The following HMCN2 variants were observed in gnomAD, a reference collection of about 807,000 sequenced individuals.
HMCN2 encodes the protein hemicentin-2.
HMCN2 carries 325 observed loss-of-function variants against 377.5 expected under a neutral mutation model. That is an observed-to-expected ratio of 0.86 (90% CI 0.79 to 0.94). The LOEUF is 0.94. Among genes scored for constraint, HMCN2 ranks in the 40% least tolerant of loss-of-function variants. The probability of loss-of-function intolerance (pLI) is 0.00; values close to 1 mark genes in which losing one functional copy is unlikely to be tolerated. For missense variants in HMCN2, 4,543 were observed against 4,725.3 expected (o/e 0.96, Z 1.13); for synonymous variants, 2,007 against 2,046.8 (o/e 0.98, Z 0.53).
At chr9:130,382,921 A>C (rs143438899) in intron 56 of HMCN2, 55 bp downstream of exon 56, 15,332 of 942,640 alleles carry the variant, frequency 0.016, 135 homozygotes, top group Middle Eastern at 0.023. Context: ...GCCCAGCACC[A>C]CTTGTCTGGG....
intron 1 of HMCN2, among the ~76,000 whole-genome samples, chr9:130,276,730 G>A (rs552486762): frequency 2.0e-5 from 3 of 152,308 alleles, no homozygotes; most frequent in East Asian, 1.9e-4. Flanking sequence ...AGGGAATCAC[G>A]TTTGCCCAGA....
chr9:130,396,383 A>T, intron 73 of HMCN2, 70 bp downstream of exon 73: 1 of 1,194,352 alleles, frequency 8.4e-7, no homozygotes, highest in Non-Finnish European at 1.1e-6. Flanking sequence ...AATCAAACTC[A>T]CTTGGGCAAT....
In HMCN2 at chr9:130,428,799, A is replaced by G. The variant is rs1331676347; in HGVS notation, c.14197+310A>G. 6.6e-6 allele frequency among the ~76,000 whole-genome samples: 1 copy of G among 152,154 alleles called. No homozygotes were observed. The highest frequency in any genetic ancestry group is 2.4e-5 in the African/African-American group (1 of 41,440). On this transcript the variant is annotated intron_variant, in intron 93 of 97. Transcript: ENST00000683500. This position sits in a 1 kb window ranked among gnomAD's most constrained non-coding sequence, Gnocchi z 5.0. ...GCAAACACATGCTCCCTCTGCTGCC[A>G]TCCGTTCTGTTCCCCCATATGAATC...
chr9:130,279,752 A>G (rs1554924993), intron 1 of HMCN2, among the ~76,000 whole-genome samples: 1 of 152,220 alleles, frequency 6.6e-6, no homozygotes, highest in Non-Finnish European at 1.5e-5. Context: ...GGTAGGGTAG[A>G]ATGATATCTT....
At chr9:130,317,902 A>G (rs1433913783) in intron 15 of HMCN2, among the ~76,000 whole-genome samples, 1 of 152,062 alleles carries the variant, frequency 6.6e-6, no homozygotes, top group African/African-American at 2.4e-5. Context: ...AATCAGAGGC[A>G]TTCTTGGAGT....
At chr9:130,352,456 A>T (rs1370612981) in intron 30 of HMCN2, among the ~76,000 whole-genome samples, 3 of 152,220 alleles carry the variant, frequency 2.0e-5, no homozygotes, top group African/African-American at 7.2e-5. Flanking sequence ...TGTAACCCGG[A>T]TAGAAGGAGA....
At chr9:130,425,239 C>T (rs1844261036) in intron 89 of HMCN2, 109 bp downstream of exon 89, 2 of 1,265,612 alleles carry the variant, frequency 1.6e-6, no homozygotes, top group African/African-American at 1.5e-5. Flanking sequence ...TCTGACAGCG[C>T]TGCAGGGCTG....
chr9:130,429,635 G>A lies in HMCN2; in HGVS notation c.14276G>A (p.Cys4759Tyr). Residue 4759 changes from cysteine (C) to tyrosine (Y), a missense_variant, in exon 94 of 98, where the codon TGC (cysteine) becomes TAC (tyrosine). Physicochemically the swap from Cys to Tyr is radical, Grantham distance 194. Around this residue, in one of 5 missense-constraint regions of HMCN2, gnomAD observed 1,155 missense variants for 1,157.7 expected, o/e 1.00. Coordinates refer to ENST00000683500, the MANE Select transcript of HMCN2 (RefSeq NM_001291815.2). ...LCENTPGGHR[C>Y]SCPRGYRMQG... The stretch of plus-strand genomic sequence containing the variant: ...GAGAACACCCCAGGCGGTCACCGCT[G>A]CAGCTGCCCCAGGGGTTACCGGATG... 1.9e-6 allele frequency: 3 copies of A among 1,549,068 alleles called. No homozygotes were observed. The highest frequency in any genetic ancestry group is 2.6e-6 in the Non-Finnish European group (3 of 1,146,304).
At chr9:130,384,035 G>A (rs985298729) in intron 57 of HMCN2, among the ~76,000 whole-genome samples, 1 of 152,164 alleles carries the variant, frequency 6.6e-6, no homozygotes, top group Non-Finnish European at 1.5e-5. Context: ...GACGTACACC[G>A]CACTGCAGTG....
intron 22 of HMCN2, among the ~76,000 whole-genome samples, chr9:130,331,112 C>A (rs1270916326): frequency 3.3e-5 from 5 of 150,692 alleles, no homozygotes; most frequent in African/African-American, 1.2e-4. Context: ...GAGCCAAGAT[C>A]GTGCCATCGC....
At chr9:130,388,137 A>G (rs568562057) in intron 61 of HMCN2, among the ~76,000 whole-genome samples, 1 of 152,044 alleles carries the variant, frequency 6.6e-6, no homozygotes, top group African/African-American at 2.4e-5. Context: ...GAGTGTTGGG[A>G]TCGATTAGTG....
rs966703681 is a variant in HMCN2 at position 130,368,393 on chromosome 9, A to G, written c.6743A>G (p.Asn2248Ser). Residue 2248 changes from asparagine to serine, a missense_variant, in exon 44 of 98, where the codon AAC becomes AGC. By Grantham distance (46) the Asn-to-Ser change is conservative (BLOSUM62 1). Coordinates refer to ENST00000683500, the MANE Select transcript of HMCN2 (RefSeq NM_001291815.2). The stretch of plus-strand genomic sequence containing the variant: ...GGAACATACACCTGTGAATGCAGCA[A>G]CGTGGTGGGGAACAGCAGCCAGGAC... ...QEGTYTCECS[N>S]VVGNSSQDLQ... 5.8e-5 allele frequency: 57 copies of G among 985,978 alleles called. No individual in the cohort carries two copies. The highest frequency in any genetic ancestry group is 4.9e-4 in the African/African-American group (28 of 57,212). 61.1% of individuals were successfully genotyped at this position (985,978 alleles called of 1,614,324 possible). A position where few individuals can be genotyped will look rare whatever the true frequency, so the allele number is the denominator to read the frequency against.
In HMCN2 at chr9:130,398,497, C is replaced by G. The variant is rs571498637; in HGVS notation, c.11327-54C>G. 137 of 1,015,560 alleles carry G rather than the reference C, an allele frequency of 1.3e-4. No individual in the cohort carries two copies. In the African/African-American group the frequency reaches 2.0e-3, roughly 14 times the overall value. The allele number at this position is 1,015,560 out of a possible 1,614,324, so 62.9% of individuals were successfully genotyped here. A position where few individuals can be genotyped will look rare whatever the true frequency, so the allele number is the denominator to read the frequency against. ...TGCCCCTGGGCACAGCCTCAGAGAG[C>G]CCCCAGCCCCTGTGCCCCCTGCACC... On this transcript the variant is annotated intron_variant, in intron 74 of 97. Coordinates refer to ENST00000683500, the MANE Select transcript of HMCN2 (RefSeq NM_001291815.2).
rs1840916590 is a variant in HMCN2, at chr9:130,369,815, G to C, written c.7033G>C (p.Gly2345Arg). Residue 2345 changes from glycine to arginine, a missense_variant, in exon 45 of 98, where the codon GGG becomes CGG. By Grantham distance (125) the Gly-to-Arg change is moderately radical. Transcript: ENST00000683500. This position sits in a 1 kb window ranked among gnomAD's most constrained non-coding sequence, Gnocchi z 4.5. Reference sequence around the variant, plus strand: ...CAGCTGTGTGGCCGAGAACCTGGCTGGGAGGGCAGAGAGGAAGTTTGAGCT... The same window carrying C: ...CAGCTGTGTGGCCGAGAACCTGGCTCGGAGGGCAGAGAGGAAGTTTGAGCT... Reference protein sequence around the residue: ...RYSCVAENLAGRAERKFELSV... With the variant: ...RYSCVAENLARRAERKFELSV... 2 of 986,044 alleles carry C rather than the reference G, an allele frequency of 2.0e-6. No individual in the cohort carries two copies. The highest frequency in any genetic ancestry group is 1.7e-5 in the African/African-American group (1 of 57,260). 61.1% of individuals were successfully genotyped at this position (986,044 alleles called of 1,614,324 possible). A position where few individuals can be genotyped will look rare whatever the true frequency, so the allele number is the denominator to read the frequency against.
At chr9:130,399,797 A>G (rs1189141473) in intron 76 of HMCN2, among the ~76,000 whole-genome samples, 165 bp downstream of exon 76, 1 of 152,170 alleles carries the variant, frequency 6.6e-6, no homozygotes, top group African/African-American at 2.4e-5. Context: ...CACTGGCATA[A>G]CCCCAGCTCC....
rs1217243059 is a variant in HMCN2, at chr9:130,360,499, G to T, written c.5845G>T (p.Val1949Phe). ...AGTGACAGTATCAGTGGATGGGAGA[G>T]TTCTCCGCATTGAGCAAGCCCAGCT... ...MGVTVSVDGR[V>F]LRIEQAQLSD... Residue 1949 changes from valine to phenylalanine, a missense_variant, in exon 38 of 98, where the codon GTT (valine) becomes TTT (phenylalanine). Val to Phe is a conservative substitution (Grantham distance 50). Transcript: ENST00000683500. The surrounding 1 kb of genome is among the most constrained non-coding windows in gnomAD (Gnocchi z 4.7). 7.7e-7 allele frequency: 1 copy of T among 1,303,988 alleles called. No homozygotes were observed. The highest frequency in any genetic ancestry group is 1.5e-5 in the African/African-American group (1 of 65,806). 80.8% of individuals were successfully genotyped at this position (1,303,988 alleles called of 1,614,324 possible). A position where few individuals can be genotyped will look rare whatever the true frequency, so the allele number is the denominator to read the frequency against.
chr9:130,364,112 A>T (rs141572138), intron 40 of HMCN2, among the ~76,000 whole-genome samples: 1 of 152,216 alleles, frequency 6.6e-6, no homozygotes. Flanking sequence ...TGGTTAATAC[A>T]TATTGTATGC....
chr9:130,425,960 C>T, intron 90 of HMCN2, 36 bp downstream of exon 90: 1 of 1,458,168 alleles, frequency 6.9e-7, no homozygotes, highest in Non-Finnish European at 9.3e-7. Context: ...CCCCACTGCC[C>T]CAGCTAAAAC....
chr9:130,267,247 C>T (rs1426800161), intron 1 of HMCN2, among the ~76,000 whole-genome samples: 2 of 151,762 alleles, frequency 1.3e-5, no homozygotes, highest in Non-Finnish European at 2.9e-5. Flanking sequence ...ACCCAGCCTC[C>T]CCAGCGTTTT....
Sources: allele counts gnomAD v4.1 joint callset (sites outside exome capture counted in the v4.1 genomes callset), GRCh38; gene constraint gnomAD v4.1.1; regional missense constraint gnomAD v4.1.1; non-coding constraint Gnocchi (gnomAD v3.1); transcripts MANE v1.5; gene names NCBI Gene and HGNC (gene_info 2026-07-23, HGNC 2026-07-21).